LOXL3: variants seen among roughly 807,000 people sequenced by gnomAD.
The protein encoded by LOXL3 is lysyl oxidase homolog 3.
LOXL3 carries 60 observed loss-of-function variants against 91.8 expected under a neutral mutation model. That is an observed-to-expected ratio of 0.65 (90% confidence interval 0.53 to 0.81). LOXL3 has a LOEUF of 0.81. LOXL3 is among the 30% of genes least tolerant of loss of function. The pLI, the probability that LOXL3 is intolerant of heterozygous loss-of-function variation, is 0.00. For synonymous variants in LOXL3, 355 were observed against 387.6 expected, an observed-to-expected ratio of 0.92 and a Z score of 0.99; for missense variants, 874 against 1,000.4, an observed-to-expected ratio of 0.87 and a Z score of 1.70.
In LOXL3 at chr2:74,536,770, C is replaced by A. The variant is rs750858016; in HGVS notation, c.851G>T (p.Gly284Val). Residue 284 changes from glycine to valine, a missense_variant, in exon 5 of 14, where the codon GGC (glycine) becomes GTC (valine). Coordinates refer to ENST00000264094, the MANE Select transcript of LOXL3 (RefSeq NM_032603.5). This position sits in a 1 kb window ranked among gnomAD's most constrained non-coding sequence, Gnocchi z 4.5. ...GCCACTGGATGCCGCGTAGACAGGGCCTGGCACACAGCTCACCACTGCAGG... is the reference window on the plus strand; with the variant it reads ...GCCACTGGATGCCGCGTAGACAGGGACTGGCACACAGCTCACCACTGCAGG... ...GGPAVVSCVP[G>V]PVYAASSGQK... is the part of the protein sequence containing the mutation. 1 of 1,614,182 alleles carries A rather than the reference C, an allele frequency of 6.2e-7. No homozygotes were observed. Among genetic ancestry groups the A allele is most frequent in the South Asian group, 1.1e-5 (1 of 91,086 alleles).
In LOXL3 at chr2:74,549,729, G is replaced by A; in HGVS notation, c.478-146C>T. 1 of 1,442,920 alleles carries A rather than the reference G, an allele frequency of 6.9e-7. No individual in the cohort carries two copies. Among genetic ancestry groups the A allele is most frequent in the Non-Finnish European group, 9.1e-7 (1 of 1,096,500 alleles). The allele number at this position is 1,442,920 out of a possible 1,614,324, so 89.4% of individuals were successfully genotyped here. ...CGGCGCTGAGAGAGCGGCCACGATG[G>A]CCGCAGTCCGCGGTGTGGACTCTCT... On this transcript the variant is annotated intron_variant, in intron 3 of 13. Coordinates refer to ENST00000264094, the MANE Select transcript of LOXL3 (RefSeq NM_032603.5). This position sits in a 1 kb window ranked among gnomAD's most constrained non-coding sequence, Gnocchi z 5.3.
Position 74,550,204 on chromosome 2 carries a change from G to C in LOXL3, c.458C>G (p.Ser153Trp). Residue 153 changes from serine (S) to tryptophan (W), a missense_variant, in exon 3 of 14, where the codon TCG becomes TGG. Physicochemically the swap from Ser to Trp is radical, Grantham distance 177 (BLOSUM62 -3). Transcript: ENST00000264094. ...ICKDQRLPGF[S>W]DSNVIEVEHH... ...GCAGACCTCAATGACATTGGAGTCCGAGAAGCCAGGGAGGCGCTGGTCTTT... is the reference window on the plus strand; with the variant it reads ...GCAGACCTCAATGACATTGGAGTCCCAGAAGCCAGGGAGGCGCTGGTCTTT... 1 of 1,613,908 alleles carries C rather than the reference G, an allele frequency of 6.2e-7. No individual in the cohort carries two copies. The highest frequency in any genetic ancestry group is 8.5e-7 in the Non-Finnish European group (1 of 1,179,876).
chr2:74,552,779 G>C, intron 1 of LOXL3, 133 bp from the exon 2 acceptor site: 1 of 779,160 alleles, frequency 1.3e-6, no homozygotes, highest in East Asian at 2.7e-5. Context: ...CAACAGGAGA[G>C]AAAGAGCCCC....
upstream of LOXL3, chr2:74,555,539 AGGAAATTAC>A: frequency 1.2e-6 from 2 of 1,613,742 alleles, no homozygotes; most frequent in Non-Finnish European, 1.7e-6. This position sits in a 1 kb window ranked among gnomAD's most constrained non-coding sequence, Gnocchi z 6.1. Flanking sequence ...CTCCCCGCTG[AGGAAATTAC>A]GGGTTTCTCG....
At chr2:74,555,219 C>A (rs772969140), upstream of LOXL3, 1 of 1,613,708 alleles carries the variant, frequency 6.2e-7, no homozygotes, top group Non-Finnish European at 8.5e-7. The surrounding 1 kb of genome is among the most constrained non-coding windows in gnomAD (Gnocchi z 6.1). Flanking sequence ...GGCTCGAGTT[C>A]TTTGACCATA....
rs756979973 is a variant in LOXL3 at position 74,549,451 on chromosome 2, C to T, written c.610G>A (p.Gly204Ser). ...PDGWSQVCDK[G>S]WSAHNSHVVC... ...ACGTGGCTGTTGTGGGCGCTCCAGC[C>T]TTTGTCGCACACTTGCGACCAGCCG... Residue 204 changes from glycine to serine, a missense_variant, in exon 4 of 14, where the codon GGC (glycine) becomes AGC (serine). Gly to Ser is a moderately conservative substitution (Grantham distance 56, BLOSUM62 0). Transcript: ENST00000264094. This position sits in a 1 kb window ranked among gnomAD's most constrained non-coding sequence, Gnocchi z 5.3. 6.2e-7 allele frequency: 1 copy of T among 1,613,320 alleles called. No individual in the cohort carries two copies. Among genetic ancestry groups the T allele is most frequent in the South Asian group, 1.1e-5 (1 of 90,950 alleles).
chr2:74,532,468 A>G lies in LOXL3; in HGVS notation c.*1138T>C. On this transcript the variant is annotated 3_prime_UTR_variant, in exon 14 of 14. Transcript: ENST00000264094. ...TGTACATGTTGCACTTTATTGCTAG[A>G]AGACAGAAAGTGAGTTGCCATTGTA... 1.4e-6 allele frequency: 1 copy of G among 699,514 alleles called. No individual in the cohort carries two copies. The highest frequency in any genetic ancestry group is 2.6e-6 in the Non-Finnish European group (1 of 385,014). The allele number at this position is 699,514 out of a possible 1,614,324, so 43.3% of individuals were successfully genotyped here.
chr2:74,541,547 C>T (rs187167730), intron 4 of LOXL3, among the ~76,000 whole-genome samples: 7 of 152,284 alleles, frequency 4.6e-5, no homozygotes, highest in Admixed American at 4.6e-4. Context: ...TAGACTCTTT[C>T]ATCTTATAAA....
upstream of LOXL3, chr2:74,554,690 G>GGCCCCGCCTCCC (rs1033413028): frequency 5.7e-5 from 88 of 1,538,600 alleles, no homozygotes; most frequent in Non-Finnish European, 6.1e-5. This position sits in a 1 kb window ranked among gnomAD's most constrained non-coding sequence, Gnocchi z 4.9. Flanking sequence ...CAGGGAACCC[G>GGCCCCGCCTCCC]GCCCCGCCTC....
chr2:74,555,502 A>C, upstream of LOXL3: 1 of 1,611,088 alleles, frequency 6.2e-7, no homozygotes, highest in East Asian at 2.2e-5. The surrounding 1 kb of genome is among the most constrained non-coding windows in gnomAD (Gnocchi z 6.1). Flanking sequence ...GAGGCAGAGA[A>C]ATGGGGCTGC....
chr2:74,533,251 C>T lies in LOXL3; in HGVS notation c.*355G>A. ...AAAGGCTAGAGGTAAAGCTGTATCC[C>T]CCTAAACTTAGGGGAGATACTGGAG... On this transcript the variant is annotated 3_prime_UTR_variant, in exon 14 of 14. Coordinates refer to ENST00000264094, the MANE Select transcript of LOXL3 (RefSeq NM_032603.5). 2 of 553,840 alleles carry T rather than the reference C, an allele frequency of 3.6e-6. No individual in the cohort carries two copies. The highest frequency in any genetic ancestry group is 6.4e-6 in the Non-Finnish European group (2 of 311,424). The allele number at this position is 553,840 out of a possible 1,614,324, so 34.3% of individuals were successfully genotyped here.
rs1261229929 is a variant in LOXL3, at chr2:74,532,543, A to G, written c.*1063T>C. On this transcript the variant is annotated 3_prime_UTR_variant, in exon 14 of 14. Coordinates refer to ENST00000264094, the MANE Select transcript of LOXL3 (RefSeq NM_032603.5). The stretch of plus-strand genomic sequence containing the variant: ...TGTCCATATATTTATCAATGTGTTG[A>G]TGAGAGACTTGAGGTGGAACTCAGG... The G allele has an allele frequency of 6.4e-6, 7 of 1,098,594 alleles. No individual in the cohort carries two copies. The highest frequency in any genetic ancestry group is 9.7e-6 in the Non-Finnish European group (7 of 723,368). 68.1% of individuals were successfully genotyped at this position (1,098,594 alleles called of 1,614,324 possible).
intron 4 of LOXL3, among the ~76,000 whole-genome samples, chr2:74,539,210 T>TACATATCC: frequency 6.6e-6 from 1 of 152,334 alleles, no homozygotes; most frequent in Non-Finnish European, 1.5e-5. Flanking sequence ...AGGTAGTGGT[T>TACATATCC]ACATATGTGG....
At position 74,552,335 on chromosome 2, in the gene LOXL3, A is replaced by G. The variant is rs1313880581; in HGVS notation, c.300T>C (p.Tyr100=). 3 of 1,599,192 alleles carry G rather than the reference A, an allele frequency of 1.9e-6. No homozygotes were observed. The highest frequency in any genetic ancestry group is 2.7e-5 in the African/African-American group (2 of 74,666). ...EATGWTHSAK[Y]GPGTGRIWLD... is the part of the protein sequence containing the mutation. ...ATCATTGCTCACCTGTTCCAGGGCC[A>G]TATTTGGCACTGTGGGTCCAGCCTG... The change falls in exon 2 of 14, where the codon TAT becomes TAC. Residue 100 remains tyrosine, a synonymous_variant. Coordinates refer to ENST00000264094, the MANE Select transcript of LOXL3 (RefSeq NM_032603.5).
chr2:74,550,368 G>A lies in LOXL3; in HGVS notation c.314-20C>T, dbSNP rs200178697. On this transcript the variant is annotated intron_variant, in intron 2 of 13. Transcript: ENST00000264094. ...TGCGGCCTGTGGAAGGGGAGATGAA[G>A]GGACAGAGAAGCTTGGGGAGGGAGG... 2.4e-5 allele frequency: 39 copies of A among 1,609,340 alleles called. No homozygotes were observed. The highest frequency in any genetic ancestry group is 5.0e-5 in the Admixed American group (3 of 59,552).
chr2:74,544,159 C>G (rs557246359), intron 4 of LOXL3, among the ~76,000 whole-genome samples: 28 of 152,112 alleles, frequency 1.8e-4, no homozygotes, highest in African/African-American at 6.3e-4. Flanking sequence ...CAAAAATTAG[C>G]TGGGCGTGGT....
In LOXL3 at chr2:74,552,368, T is replaced by C; in HGVS notation, c.267A>G (p.Thr89=). The change falls in exon 2 of 14, where the codon ACA becomes ACG. Residue 89 remains threonine, a synonymous_variant. Transcript: ENST00000264094. ...AHILCRELGF[T]EATGWTHSAK... ...CACTGTGGGTCCAGCCTGTGGCCTC[T>C]GTGAAGCCCAGCTCCCGGCAGAGGA... 1 of 1,611,534 alleles carries C rather than the reference T, an allele frequency of 6.2e-7. No homozygotes were observed. The highest frequency in any genetic ancestry group is 8.5e-7 in the Non-Finnish European group (1 of 1,177,828).
chr2:74,547,848 T>C (rs889217142), intron 4 of LOXL3, among the ~76,000 whole-genome samples: 5 of 152,250 alleles, frequency 3.3e-5, no homozygotes. Context: ...TATGATTTTC[T>C]TTTTTGACAG....
Position 74,533,576 on chromosome 2 carries a change from C to A in LOXL3, c.*30G>T. The stretch of plus-strand genomic sequence containing the variant: ...AGCCTCAGACCCCTGCCATTAGGGG[C>A]CAGTGGTGGTTTGCAGAGGGCAGTG... On this transcript the variant is annotated 3_prime_UTR_variant, in exon 14 of 14. Coordinates refer to ENST00000264094, the MANE Select transcript of LOXL3 (RefSeq NM_032603.5). 1 of 1,605,192 alleles carries A rather than the reference C, an allele frequency of 6.2e-7. No homozygotes were observed.
Sources: allele counts gnomAD v4.1 joint callset (sites outside exome capture counted in the v4.1 genomes callset), GRCh38; gene constraint gnomAD v4.1.1; non-coding constraint Gnocchi (gnomAD v3.1); transcripts MANE v1.5; gene names NCBI Gene and HGNC (gene_info 2026-07-23, HGNC 2026-07-21).